The following VAV3 variants were observed in gnomAD, a reference collection of about 807,000 sequenced individuals.
VAV3 encodes vav guanine nucleotide exchange factor 3.
Under a neutral mutation model 131.2 loss-of-function variants are expected in VAV3, and 94 were observed. The ratio of observed to expected loss-of-function variants is 0.72; its 90% confidence interval spans 0.61 to 0.85. The LOEUF (loss-of-function observed/expected upper bound fraction) is 0.85, where lower values mean the gene tolerates loss of function less well. Ranked by LOEUF, VAV3 falls within the 40% of genes least tolerant of loss-of-function variation. The pLI, the probability that VAV3 is intolerant of heterozygous loss-of-function variation, is 0.00. For missense variants in VAV3, 939 were observed against 1,002.7 expected (o/e 0.94, Z 0.86); for synonymous variants, 349 against 342.0 (o/e 1.02, Z -0.22).
intron 16 of VAV3, 144 bp downstream of exon 16, chr1:107,704,816 A>T (rs550284288): frequency 2.4e-5 from 24 of 1,017,746 alleles, no homozygotes; most frequent in Non-Finnish European, 3.5e-5. Flanking sequence ...CCAGGCAGAA[A>T]GCCTGGCAAA....
In VAV3 at chr1:107,648,117, C is replaced by T. The variant is rs190035295; in HGVS notation, c.1778-5362G>A. ...CTGACTGTTCACAAAGGGAACACTCCCCATCAATAATTTTTAAAATTTTCA... is the reference window on the plus strand; with the variant it reads ...CTGACTGTTCACAAAGGGAACACTCTCCATCAATAATTTTTAAAATTTTCA... On this transcript the variant is annotated intron_variant, in intron 19 of 26. Transcript: ENST00000370056. Among the ~76,000 whole-genome samples the T allele has an allele frequency of 1.5e-3, 234 of 151,956 alleles. 1 individual carries two copies. Among genetic ancestry groups the T allele is most frequent in the Non-Finnish European group, 2.8e-3 (191 of 67,926 alleles).
chr1:107,738,505 G>A (rs1048495973), intron 15 of VAV3, among the ~76,000 whole-genome samples: 1 of 152,228 alleles, frequency 6.6e-6, no homozygotes, highest in Admixed American at 6.5e-5. Flanking sequence ...TTCAAAAATT[G>A]TTTCAAGTAT....
intron 25 of VAV3, 83 bp downstream of exon 25, chr1:107,596,129 A>G: frequency 6.5e-7 from 1 of 1,536,952 alleles, no homozygotes; most frequent in Non-Finnish European, 8.8e-7. Context: ...TTATATTTTA[A>G]AATTTGGAAG....
chr1:107,832,223 A>C (rs934367174), intron 2 of VAV3, among the ~76,000 whole-genome samples: 1 of 152,210 alleles, frequency 6.6e-6, no homozygotes, highest in African/African-American at 2.4e-5. Context: ...GGACTAATGG[A>C]CCTTAGTTCT....
intron 2 of VAV3, among the ~76,000 whole-genome samples, chr1:107,828,018 G>C (rs929563445): frequency 2.1e-4 from 32 of 152,154 alleles, no homozygotes. Context: ...CACACCCCAA[G>C]ACATGCAGTC....
At chr1:107,785,688 G>A in intron 2 of VAV3, 1 of 1,101,196 alleles carries the variant, frequency 9.1e-7, no homozygotes, top group African/African-American at 1.7e-5. Flanking sequence ...GAGGGAACTG[G>A]GAGTGTGGGC....
At chr1:107,900,185 T>C (rs1297881749) in intron 1 of VAV3, among the ~76,000 whole-genome samples, 1 of 152,182 alleles carries the variant, frequency 6.6e-6, no homozygotes, top group Non-Finnish European at 1.5e-5. Flanking sequence ...ATTTGCTACA[T>C]AGACTACAAG....
At chr1:107,790,955 G>C (rs1183699874) in intron 2 of VAV3, among the ~76,000 whole-genome samples, 1 of 151,896 alleles carries the variant, frequency 6.6e-6, no homozygotes, top group African/African-American at 2.4e-5. Flanking sequence ...CAAACTGCTG[G>C]GATTACAGGA....
intron 19 of VAV3, among the ~76,000 whole-genome samples, chr1:107,662,741 A>G (rs549416141): frequency 2.0e-5 from 3 of 152,214 alleles, no homozygotes; most frequent in Non-Finnish European, 4.4e-5. Flanking sequence ...ACGAAAGCAC[A>G]CTTTCTGTGG....
intron 15 of VAV3, among the ~76,000 whole-genome samples, chr1:107,724,430 A>G (rs932449559): frequency 1.2e-4 from 19 of 152,246 alleles, no homozygotes; most frequent in Middle Eastern, 3.4e-3. Flanking sequence ...CTTTTATTCA[A>G]TAAGTGTTTA....
At chr1:107,834,477 G>T (rs1175050106) in intron 2 of VAV3, among the ~76,000 whole-genome samples, 1 of 152,006 alleles carries the variant, frequency 6.6e-6, no homozygotes, top group African/African-American at 2.4e-5. Flanking sequence ...ACAATCTGGA[G>T]TACTGTCAAT....
intron 19 of VAV3, among the ~76,000 whole-genome samples, chr1:107,675,049 G>A (rs761167405): frequency 1.5e-4 from 23 of 152,092 alleles, no homozygotes; most frequent in Non-Finnish European, 2.9e-4. Context: ...TTGAGCCTTC[G>A]GATGAGATCC....
chr1:107,726,258 A>C (rs897463897), intron 15 of VAV3, among the ~76,000 whole-genome samples: 7 of 152,198 alleles, frequency 4.6e-5, no homozygotes, highest in African/African-American at 1.7e-4. Flanking sequence ...GAAAGAAAGA[A>C]ATTGCTCACA....
intron 17 of VAV3, among the ~76,000 whole-genome samples, chr1:107,698,428 T>G (rs1000916898): frequency 6.6e-6 from 1 of 152,206 alleles, no homozygotes; most frequent in African/African-American, 2.4e-5. Context: ...CCAACTGTAT[T>G]TCAAGTACTG....
intron 25 of VAV3, among the ~76,000 whole-genome samples, chr1:107,594,530 T>C (rs550622715): frequency 3.1e-4 from 47 of 152,234 alleles, no homozygotes; most frequent in African/African-American, 1.1e-3. Context: ...ATGAGTTTAT[T>C]TGCTGAAAAA....
intron 2 of VAV3, among the ~76,000 whole-genome samples, chr1:107,865,954 C>A (rs1669965850): frequency 6.6e-6 from 1 of 152,048 alleles, no homozygotes; most frequent in Non-Finnish European, 1.5e-5. Context: ...TTTCCAGGGG[C>A]ACTCCACCAG....
chr1:107,751,574 A>C (rs1322181848), intron 12 of VAV3, among the ~76,000 whole-genome samples: 1 of 152,110 alleles, frequency 6.6e-6, no homozygotes, highest in Non-Finnish European at 1.5e-5. Context: ...AATGATACAG[A>C]CACTGCCCTC....
rs749199443 is a variant in VAV3 at position 107,772,818 on chromosome 1, C to G, written c.472G>C (p.Asp158His). 4 of 1,613,526 alleles carry G rather than the reference C, an allele frequency of 2.5e-6. No homozygotes were observed. In the South Asian group the frequency reaches 4.4e-5, roughly 18 times the overall value. ...TCCCCATAAACACAGTCATAGAGATCTTCTTCATCTTCCACAAGGGTTTCA... is the reference window on the plus strand; with the variant it reads ...TCCCCATAAACACAGTCATAGAGATGTTCTTCATCTTCCACAAGGGTTTCA... ...IDETLVEDEE[D>H]LYDCVYGEDE... The change falls in exon 5 of 27, where the codon GAT becomes CAT. Residue 158 changes from aspartate (D) to histidine (H), a missense_variant. Asp to His is a moderately conservative substitution (Grantham distance 81). Coordinates refer to ENST00000370056, the MANE Select transcript of VAV3 (RefSeq NM_006113.5).
intron 15 of VAV3, among the ~76,000 whole-genome samples, chr1:107,715,762 T>C (rs1661055523): frequency 6.6e-6 from 1 of 152,200 alleles, no homozygotes. Context: ...AGCCTTTCCA[T>C]GTAAGAAATC....
Sources: gnomAD v4.1 joint callset for allele counts (sites outside exome capture counted in the v4.1 genomes callset) on GRCh38, gnomAD v4.1.1 for gene constraint, MANE v1.5 for transcripts, NCBI Gene and HGNC (gene_info 2026-07-23, HGNC 2026-07-21) for gene names.